ZDHHC14: variants seen among roughly 807,000 people sequenced by gnomAD.
ZDHHC14 encodes zDHHC palmitoyltransferase 14.
A neutral mutation model predicts 47.7 loss-of-function variants in ZDHHC14; 16 were observed. That is an observed-to-expected ratio of 0.34 (90% CI 0.23 to 0.51). The LOEUF is 0.51. Ranked by LOEUF, ZDHHC14 falls within the 20% of genes least tolerant of loss-of-function variation. The pLI is 0.97. For synonymous variants in ZDHHC14, 293 were observed against 278.9 expected (o/e 1.05, Z -0.50); for missense variants, 515 against 662.5 (o/e 0.78, Z 2.44).
chr6:157,574,443 G>T (rs756755929), intron 2 of ZDHHC14, among the ~76,000 whole-genome samples: 1 of 152,052 alleles, frequency 6.6e-6, no homozygotes, highest in Non-Finnish European at 1.5e-5. Flanking sequence ...TGGAGCACCC[G>T]TGTCATTGCT....
intron 1 of ZDHHC14, among the ~76,000 whole-genome samples, chr6:157,524,490 GTC>G (rs1196463844): frequency 2.6e-5 from 4 of 152,100 alleles, no homozygotes; most frequent in Non-Finnish European, 4.4e-5. Context: ...TTAATTTTAA[GTC>G]TCTCTGTGGC....
chr6:157,586,986 TACTC>T lies in ZDHHC14; in HGVS notation c.407-5998_407-5995del, dbSNP rs1271205825. The stretch of plus-strand genomic sequence containing the variant: ...GTTTATCTTCAGGAGTGTCAGCAAA[TACTC>T]ACTTTATCAAGTCATTGCTACTCAG... On this transcript the variant is annotated intron_variant, in intron 2 of 8. Coordinates refer to ENST00000359775, the MANE Select transcript of ZDHHC14 (RefSeq NM_024630.3). The surrounding 1 kb of genome is among the most constrained non-coding windows in gnomAD (Gnocchi z 4.6). Among the ~76,000 whole-genome samples, 1 of 152,244 alleles carries T rather than the reference TACTC, an allele frequency of 6.6e-6. No individual in the cohort carries two copies. Among genetic ancestry groups the T allele is most frequent in the Non-Finnish European group, 1.5e-5 (1 of 68,044 alleles).
At position 157,632,897 on chromosome 6, in the gene ZDHHC14, G is replaced by T. The variant is rs764765872; in HGVS notation, c.752+15G>T. On this transcript the variant is annotated intron_variant, in intron 5 of 8. Transcript: ENST00000359775. Reference sequence around the variant, plus strand: ...AGTCCTGCAAGATATCCTTTGTGATGATTCTGTTTTCACGATGCTAATGTG... The same window carrying T: ...AGTCCTGCAAGATATCCTTTGTGATTATTCTGTTTTCACGATGCTAATGTG... The T allele has an allele frequency of 3.7e-6, 6 of 1,613,996 alleles. No individual in the cohort carries two copies. The East Asian group carries it at 8.9e-5, about 24-fold the overall frequency.
chr6:157,657,644 CA>C (rs925222290), intron 8 of ZDHHC14, among the ~76,000 whole-genome samples: 1 of 152,166 alleles, frequency 6.6e-6, no homozygotes, highest in Non-Finnish European at 1.5e-5. Context: ...ATACCAGAGA[CA>C]AAACTGTAAG....
intron 1 of ZDHHC14, among the ~76,000 whole-genome samples, chr6:157,472,562 C>A (rs1297904964): frequency 6.6e-6 from 1 of 152,052 alleles, no homozygotes; most frequent in East Asian, 1.9e-4. Flanking sequence ...TCCTGTTCAG[C>A]CAGAATCCAC....
Position 157,589,659 on chromosome 6 carries a change from C to G in ZDHHC14, c.407-3329C>G, listed in dbSNP as rs111226164. 4.9e-3 allele frequency among the ~76,000 whole-genome samples: 742 copies of G among 152,286 alleles called. 6 individuals carry two copies. Among genetic ancestry groups the G allele is most frequent in the African/African-American group, 0.017 (703 of 41,548 alleles). ...GTTTCCTGAGGCCTCCCCAGCCCTTCAGAACTGTGAGTCAATTAAACCTCT... is the reference window on the plus strand; with the variant it reads ...GTTTCCTGAGGCCTCCCCAGCCCTTGAGAACTGTGAGTCAATTAAACCTCT... On this transcript the variant is annotated intron_variant, in intron 2 of 8. Coordinates refer to ENST00000359775, the MANE Select transcript of ZDHHC14 (RefSeq NM_024630.3).
chr6:157,599,888 A>C (rs1231804983), intron 3 of ZDHHC14, among the ~76,000 whole-genome samples: 2 of 152,226 alleles, frequency 1.3e-5, no homozygotes, highest in Non-Finnish European at 2.9e-5. Context: ...GTTTTCTATA[A>C]TTATTGAGAA....
At chr6:157,412,765 G>T (rs924010136) in intron 1 of ZDHHC14, among the ~76,000 whole-genome samples, 4 of 152,198 alleles carry the variant, frequency 2.6e-5, no homozygotes, top group Non-Finnish European at 5.9e-5. Flanking sequence ...GTAGGTGCAC[G>T]CCCACGTCAG....
At chr6:157,450,904 C>T (rs932997846) in intron 1 of ZDHHC14, among the ~76,000 whole-genome samples, 4 of 152,168 alleles carry the variant, frequency 2.6e-5, no homozygotes, top group Non-Finnish European at 1.5e-5. Flanking sequence ...TTTAACTTCT[C>T]ACTGCATCAT....
chr6:157,455,265 T>C (rs1183742583), intron 1 of ZDHHC14, among the ~76,000 whole-genome samples: 3 of 152,226 alleles, frequency 2.0e-5, no homozygotes, highest in Admixed American at 6.5e-5. Context: ...TTCCTGAAGA[T>C]GTGAGGCAGC....
chr6:157,538,931 G>A (rs559736992), intron 1 of ZDHHC14, among the ~76,000 whole-genome samples: 2 of 152,184 alleles, frequency 1.3e-5, no homozygotes, highest in Non-Finnish European at 2.9e-5. Context: ...GATTCAGGAG[G>A]GGGCAGTGAG....
intron 1 of ZDHHC14, among the ~76,000 whole-genome samples, chr6:157,515,351 C>T (rs998922914): frequency 2.0e-5 from 3 of 152,184 alleles, no homozygotes; most frequent in Non-Finnish European, 4.4e-5. Flanking sequence ...GATTGCATTC[C>T]AGCTCACGTG....
chr6:157,542,374 T>G (rs1781798203), intron 1 of ZDHHC14, among the ~76,000 whole-genome samples: 1 of 152,222 alleles, frequency 6.6e-6, no homozygotes, highest in East Asian at 1.9e-4. Context: ...GGCGTCATAC[T>G]GGGGAGTGGG....
At chr6:157,587,796 T>G (rs1401758405) in intron 2 of ZDHHC14, among the ~76,000 whole-genome samples, 1 of 152,198 alleles carries the variant, frequency 6.6e-6, no homozygotes, top group Non-Finnish European at 1.5e-5. Context: ...TAAAGGGCTA[T>G]AGCAGCTTTC....
At chr6:157,469,845 C>A (rs1779313179) in intron 1 of ZDHHC14, among the ~76,000 whole-genome samples, 1 of 152,252 alleles carries the variant, frequency 6.6e-6, no homozygotes, top group Non-Finnish European at 1.5e-5. Flanking sequence ...TGGCAAACTG[C>A]TCTCATGTCC....
intron 1 of ZDHHC14, among the ~76,000 whole-genome samples, chr6:157,416,670 TAAAA>T (rs570772103): frequency 0.61 from 45,113 of 74,518 alleles, 13,387 homozygotes; most frequent in Middle Eastern, 0.74. Flanking sequence ...CCTGTCTCAT[TAAAA>T]AAAAAAAAAA....
At chr6:157,483,351 A>C (rs1427202650) in intron 1 of ZDHHC14, among the ~76,000 whole-genome samples, 2 of 152,184 alleles carry the variant, frequency 1.3e-5, no homozygotes, top group African/African-American at 4.8e-5. Flanking sequence ...TCTGCCTTAC[A>C]AAACGGCAGC....
At chr6:157,563,090 A>C (rs1191494223) in intron 2 of ZDHHC14, among the ~76,000 whole-genome samples, 1 of 152,168 alleles carries the variant, frequency 6.6e-6, no homozygotes, top group East Asian at 1.9e-4. Flanking sequence ...AGTGTCTCCC[A>C]GGCACCCGGA....
chr6:157,656,722 A>T (rs1176447577), intron 8 of ZDHHC14, among the ~76,000 whole-genome samples: 10 of 149,626 alleles, frequency 6.7e-5, no homozygotes, highest in Admixed American at 4.0e-4. Context: ...AAAAAAACAA[A>T]AAAAAAAAAA....
Sources: allele counts gnomAD v4.1 joint callset (sites outside exome capture counted in the v4.1 genomes callset), GRCh38; gene constraint gnomAD v4.1.1; non-coding constraint Gnocchi (gnomAD v3.1); transcripts MANE v1.5; gene names NCBI Gene and HGNC (gene_info 2026-07-23, HGNC 2026-07-21).